Variants in ELF2 observed in about 807,000 individuals in gnomAD.
The protein encoded by ELF2 is ETS-related transcription factor Elf-2.
In ELF2, 11 loss-of-function variants were observed where a neutral mutation model predicts 54.8. That is an observed-to-expected ratio of 0.20 (90% confidence interval 0.13 to 0.33). The LOEUF (loss-of-function observed/expected upper bound fraction) is 0.33, where lower values mean the gene tolerates loss of function less well. Among genes scored for constraint, ELF2 ranks in the 10% least tolerant of loss-of-function variants. The probability of loss-of-function intolerance (pLI) is 1.00; values close to 1 mark genes in which losing one functional copy is unlikely to be tolerated. For synonymous variants in ELF2, 203 were observed against 245.1 expected (o/e 0.83, Z 1.61); for missense variants, 513 against 703.0 (o/e 0.73, Z 3.06).
At chr4:139,084,007 G>T in intron 4 of ELF2, 3 of 1,468,414 alleles carry the variant, frequency 2.0e-6, no homozygotes, top group Non-Finnish European at 1.8e-6. Flanking sequence ...TCCCCCAGCC[G>T]CCCCAGTGAC....
intron 7 of ELF2, 77 bp downstream of exon 7, chr4:139,067,607 G>T: frequency 6.9e-7 from 1 of 1,453,606 alleles, no homozygotes; most frequent in Non-Finnish European, 9.6e-7. Context: ...ACTAGAAATA[G>T]TTTTCTTACA....
At position 139,135,279 on chromosome 4, in the gene ELF2, GTATA is replaced by G. The variant is rs56311255; in HGVS notation, c.72+2347_72+2350del. On this transcript the variant is annotated intron_variant, in intron 3 of 9. Coordinates refer to ENST00000686138, the MANE Select transcript of ELF2 (RefSeq NM_001331036.3). ...TGTGTGTGTGTGTGTGTGTGTGTGT[GTATA>G]TATGAATGAAACATTCCTGAAAAAC... is the stretch of plus-strand genomic sequence containing the variant. Among the ~76,000 whole-genome samples the G allele has an allele frequency of 2.2e-3, 299 of 136,564 alleles. 2 individuals carry two copies. The highest frequency in any genetic ancestry group is 8.1e-3 in the African/African-American group (289 of 35,878). 89.6% of individuals were successfully genotyped at this position (136,564 alleles called of 152,430 possible). A position where few individuals can be genotyped will look rare whatever the true frequency, so the allele number is the denominator to read the frequency against.
At chr4:139,135,729 CCACA>C (rs1276675599) in intron 3 of ELF2, among the ~76,000 whole-genome samples, 1 of 152,166 alleles carries the variant, frequency 6.6e-6, no homozygotes, top group Non-Finnish European at 1.5e-5. Flanking sequence ...TACTCTGGGG[CCACA>C]CTACCTGACA....
At chr4:139,098,896 T>C (rs1251288684) in intron 4 of ELF2, among the ~76,000 whole-genome samples, 1 of 152,236 alleles carries the variant, frequency 6.6e-6, no homozygotes, top group African/African-American at 2.4e-5. Context: ...ATAACTTTAA[T>C]ATAATTTCTG....
At position 139,059,195 on chromosome 4, in the gene ELF2, G is replaced by C. The variant is rs746457645; in HGVS notation, c.1570C>G (p.Arg524Gly). ...TQQASGQTPP[R>G]VISAVIKGPE... The stretch of plus-strand genomic sequence containing the variant: ...CCCTTTATGACTGCACTGATAACTC[G>C]AGGAGGAGTCTGGCCAGATGCCTGC... The change falls in exon 10 of 10, where the codon CGA becomes GGA. Residue 524 changes from arginine to glycine, a missense_variant. Coordinates refer to ENST00000686138, the MANE Select transcript of ELF2 (RefSeq NM_001331036.3). The C allele has an allele frequency of 3.7e-6, 6 of 1,613,890 alleles. No individual in the cohort carries two copies. The South Asian group carries it at 5.5e-5, about 15-fold the overall frequency.
At chr4:139,133,522 C>G (rs1737768638) in intron 3 of ELF2, among the ~76,000 whole-genome samples, 1 of 152,178 alleles carries the variant, frequency 6.6e-6, no homozygotes, top group African/African-American at 2.4e-5. Context: ...CACAGTATGT[C>G]TTCCAATCCA....
intron 1 of ELF2, among the ~76,000 whole-genome samples, chr4:139,151,050 A>AAG (rs1739889872): frequency 7.3e-5 from 7 of 95,904 alleles, no homozygotes; most frequent in African/African-American, 2.2e-4. Flanking sequence ...GAAAGAAAGA[A>AAG]AGAAAGAAAG....
At chr4:139,176,901 C>G (rs1046717969) in intron 1 of ELF2, 66 bp downstream of exon 1, 2 of 151,780 alleles carry the variant, frequency 1.3e-5, no homozygotes, top group Non-Finnish European at 2.9e-5. Context: ...GCAGTCGGGA[C>G]AGCCAGGCTT....
chr4:139,062,695 TATG>T (rs1362159384), intron 7 of ELF2, among the ~76,000 whole-genome samples: 3 of 152,232 alleles, frequency 2.0e-5, no homozygotes, highest in Non-Finnish European at 2.9e-5. Context: ...ACCTTTATCA[TATG>T]ATAAGCCTAA....
At chr4:139,070,682 G>A (rs1387219364) in intron 6 of ELF2, among the ~76,000 whole-genome samples, 1 of 152,120 alleles carries the variant, frequency 6.6e-6, no homozygotes, top group African/African-American at 2.4e-5. Flanking sequence ...GGTAAATAAG[G>A]CTATTTATAT....
rs866579932 is a variant in ELF2, at chr4:139,135,283, A to G, written c.72+2347T>C. ...TGTGTGTGTGTGTGTGTGTGTGTAT[A>G]TATGAATGAAACATTCCTGAAAAAC... On this transcript the variant is annotated intron_variant, in intron 3 of 9. Coordinates refer to ENST00000686138, the MANE Select transcript of ELF2 (RefSeq NM_001331036.3). Among the ~76,000 whole-genome samples the G allele has an allele frequency of 3.9e-3, 544 of 137,934 alleles. 6 individuals are homozygous for G. The highest frequency in any genetic ancestry group is 0.014 in the African/African-American group (489 of 33,912). The allele number at this position is 137,934 out of a possible 152,430, so 90.5% of individuals were successfully genotyped here.
chr4:139,086,918 G>A (rs1732043804), intron 4 of ELF2, among the ~76,000 whole-genome samples: 1 of 152,090 alleles, frequency 6.6e-6, no homozygotes, highest in Non-Finnish European at 1.5e-5. Flanking sequence ...TTTTTTCAGA[G>A]GAAAAGGACT....
chr4:139,149,122 A>C (rs1434425590), intron 1 of ELF2, among the ~76,000 whole-genome samples: 2 of 152,236 alleles, frequency 1.3e-5, no homozygotes, highest in Non-Finnish European at 2.9e-5. Context: ...CCAATTCGGT[A>C]AGAAAAGCAA....
At chr4:139,115,224 C>G (rs1371372014) in intron 4 of ELF2, 1 of 1,611,100 alleles carries the variant, frequency 6.2e-7, no homozygotes, top group African/African-American at 1.3e-5. Context: ...CTTGGCGCCT[C>G]ACTGGGCCCT....
chr4:139,061,793 C>T (rs539648599), intron 8 of ELF2, 72 bp downstream of exon 8: 1 of 1,536,308 alleles, frequency 6.5e-7, no homozygotes, highest in East Asian at 2.3e-5. Flanking sequence ...TTCAGCTTCT[C>T]TTTAAACAGC....
chr4:139,123,342 A>G (rs1736591388), intron 4 of ELF2, among the ~76,000 whole-genome samples: 1 of 152,140 alleles, frequency 6.6e-6, no homozygotes, highest in Admixed American at 6.5e-5. Flanking sequence ...CCACTTACAA[A>G]AAAAACAAAT....
intron 4 of ELF2, among the ~76,000 whole-genome samples, chr4:139,091,083 G>A (rs748117580): frequency 2.0e-5 from 3 of 151,860 alleles, no homozygotes; most frequent in Non-Finnish European, 4.4e-5. Flanking sequence ...ACAGATGCCC[G>A]CCACCATGCC....
At chr4:139,060,012 A>C (rs757658875) in intron 9 of ELF2, among the ~76,000 whole-genome samples, 6 of 151,978 alleles carry the variant, frequency 3.9e-5, no homozygotes, top group Non-Finnish European at 1.5e-5. Flanking sequence ...CATGCTCAGC[A>C]ATTTTTTATT....
intron 1 of ELF2, among the ~76,000 whole-genome samples, chr4:139,170,907 G>A (rs975415699): frequency 2.0e-5 from 3 of 151,632 alleles, no homozygotes; most frequent in African/African-American, 7.3e-5. Context: ...CACCACCTCC[G>A]GCTAATTTTT....
Sources: allele counts gnomAD v4.1 joint callset (sites outside exome capture counted in the v4.1 genomes callset), GRCh38; gene constraint gnomAD v4.1.1; transcripts MANE v1.5; gene names NCBI Gene and HGNC (gene_info 2026-07-23, HGNC 2026-07-21).